The following ROBO2 variants were observed in gnomAD, a reference collection of about 807,000 sequenced individuals.
ROBO2 encodes the protein roundabout guidance receptor 2, also known as roundabout homolog 2.
ROBO2 carries 53 observed loss-of-function variants against 160.8 expected under a neutral mutation model. That is an observed-to-expected ratio of 0.33 (90% CI 0.26 to 0.41). ROBO2 has a LOEUF of 0.41. Ranked by LOEUF, ROBO2 falls within the 10% of genes least tolerant of loss-of-function variation. ROBO2 has a pLI of 1.00. For missense variants in ROBO2, 1,577 were observed against 1,722.4 expected, an observed-to-expected ratio of 0.92 and a Z score of 1.49; for synonymous variants, 664 against 611.7, an observed-to-expected ratio of 1.09 and a Z score of -1.26.
At chr3:76,924,719 C>T (rs915225612) in intron 2 of ROBO2, among the ~76,000 whole-genome samples, 1 of 152,166 alleles carries the variant, frequency 6.6e-6, no homozygotes, top group Non-Finnish European at 1.5e-5. Context: ...TAGTTCTGTT[C>T]ACGGATTTTG....
intron 2 of ROBO2, among the ~76,000 whole-genome samples, chr3:76,765,723 A>G (rs374667953): frequency 1.3e-5 from 2 of 151,818 alleles, no homozygotes; most frequent in African/African-American, 2.4e-5. Flanking sequence ...ACGGATGTCC[A>G]GTTCAGCTAA....
intron 2 of ROBO2, among the ~76,000 whole-genome samples, chr3:76,808,843 G>GA (rs1211735069): frequency 6.6e-6 from 1 of 151,960 alleles, no homozygotes; most frequent in African/African-American, 2.4e-5. Flanking sequence ...ATTGGGGAAT[G>GA]AAAAAATTCA....
At chr3:76,895,286 C>A (rs113214636) in intron 2 of ROBO2, among the ~76,000 whole-genome samples, 1 of 151,896 alleles carries the variant, frequency 6.6e-6, no homozygotes, top group Admixed American at 6.6e-5. Flanking sequence ...ACTGGTGGTA[C>A]GCAAAATACC....
At chr3:76,278,085 C>A (rs1005623887) in intron 2 of ROBO2, among the ~76,000 whole-genome samples, 1 of 151,804 alleles carries the variant, frequency 6.6e-6, no homozygotes, top group South Asian at 2.1e-4. Context: ...TATTGTCAGG[C>A]TCTTCATTCT....
At chr3:76,024,825 T>C (rs192439646) in intron 2 of ROBO2, among the ~76,000 whole-genome samples, 1 of 151,672 alleles carries the variant, frequency 6.6e-6, no homozygotes, top group African/African-American at 2.4e-5. Context: ...AACTGCTATG[T>C]CTTGATATGA....
chr3:76,055,225 G>T (rs1478643829), intron 2 of ROBO2, among the ~76,000 whole-genome samples: 2 of 152,134 alleles, frequency 1.3e-5, no homozygotes, highest in African/African-American at 2.4e-5. Flanking sequence ...CTCCCACGGG[G>T]TCCCTCCCAC....
At chr3:77,579,840 A>G (rs1466287543) in intron 15 of ROBO2, 107 bp from the exon 17 acceptor site, 2 of 1,048,234 alleles carry the variant, frequency 1.9e-6, no homozygotes, top group African/African-American at 3.1e-5. Flanking sequence ...CTATAAGCCT[A>G]GAAGATAGAC....
At position 77,188,983 on chromosome 3, in the gene ROBO2, G is replaced by GAGAAAGAGAGAGAGAA. The variant is rs141611728; in HGVS notation, c.388+90646_388+90647insAAGAGAGAGAGAAAGA. 8.6e-3 allele frequency among the ~76,000 whole-genome samples: 1,273 copies of GAGAAAGAGAGAGAGAA among 148,380 alleles called. 15 individuals are homozygous for GAGAAAGAGAGAGAGAA. The highest frequency in any genetic ancestry group is 0.029 in the African/African-American group (1,190 of 40,674). ...TGTGTGTGTGTGAGAGAGAGAGAGA[G>GAGAAAGAGAGAGAGAA]AGAGAGAGAGAAAGAGAGAGACTTG... On this transcript the variant is annotated intron_variant, in intron 2 of 25. Coordinates refer to ENST00000461745, the Ensembl canonical transcript of ROBO2.
At chr3:77,049,822 A>G (rs550376621) in intron 1 of ROBO2, among the ~76,000 whole-genome samples, 8 of 152,326 alleles carry the variant, frequency 5.3e-5, no homozygotes, top group African/African-American at 1.4e-4. Flanking sequence ...AAGTTTAAGC[A>G]AGGAACACCC....
chr3:76,970,241 T>C (rs2059507756), intron 2 of ROBO2, among the ~76,000 whole-genome samples: 1 of 152,176 alleles, frequency 6.6e-6, no homozygotes, highest in Non-Finnish European at 1.5e-5. Context: ...GATTAATCGC[T>C]TTCTCAAGGG....
intron 1 of ROBO2, among the ~76,000 whole-genome samples, chr3:77,055,910 G>T (rs2065696355): frequency 6.6e-6 from 1 of 152,200 alleles, no homozygotes; most frequent in South Asian, 2.1e-4. Flanking sequence ...TTTTTAAGTA[G>T]TTGTGAAATG....
intron 2 of ROBO2, among the ~76,000 whole-genome samples, chr3:76,666,551 T>C (rs1455600291): frequency 6.6e-6 from 1 of 152,106 alleles, no homozygotes; most frequent in African/African-American, 2.4e-5. Flanking sequence ...GAAAGTCAAA[T>C]GAAAACACCA....
intron 2 of ROBO2, among the ~76,000 whole-genome samples, chr3:76,514,369 CAAACATGAGAAT>C (rs1402685138): frequency 6.6e-6 from 1 of 152,142 alleles, no homozygotes; most frequent in African/African-American, 2.4e-5. Flanking sequence ...GATACCATCC[CAAACATGAGAAT>C]AAACTAGTAA....
At chr3:75,944,526 C>T (rs939522662) in intron 2 of ROBO2, among the ~76,000 whole-genome samples, 3 of 151,944 alleles carry the variant, frequency 2.0e-5, no homozygotes, top group African/African-American at 7.2e-5. Context: ...TAAAAAAAAA[C>T]CTGGCACCTT....
intron 2 of ROBO2, among the ~76,000 whole-genome samples, chr3:77,450,323 G>GA (rs1302433437): frequency 6.6e-6 from 1 of 152,094 alleles, no homozygotes; most frequent in African/African-American, 2.4e-5. Context: ...TAAGGGAAGT[G>GA]AAAAGAATGC....
chr3:76,017,786 A>G lies in ROBO2; in HGVS notation c.109+80184A>G, dbSNP rs1316516650. ...ACTATAAAACATTGTCTTAAGTTCT[A>G]CAAATTTTTTAAAAAGATGATTCAC... On this transcript the variant is annotated intron_variant, in intron 2 of 26. Coordinates refer to the ROBO2 transcript ENST00000487694. Among the ~76,000 whole-genome samples the G allele has an allele frequency of 3.3e-5, 5 of 152,266 alleles. No individual in the cohort carries two copies. In the East Asian group the frequency reaches 9.6e-4, roughly 29 times the overall value.
chr3:76,332,796 A>G (rs1161762403), intron 2 of ROBO2, among the ~76,000 whole-genome samples: 1 of 152,224 alleles, frequency 6.6e-6, no homozygotes, highest in East Asian at 1.9e-4. Context: ...TGATTCATCC[A>G]TAATTAACAC....
intron 2 of ROBO2, among the ~76,000 whole-genome samples, chr3:75,972,642 A>G (rs1273194418): frequency 6.6e-6 from 1 of 151,680 alleles, no homozygotes; most frequent in African/African-American, 2.4e-5. Flanking sequence ...AATCATGTAG[A>G]TCATTGATTC....
chr3:76,798,245 GAAGAAAGAAAGAAGGA>G lies in ROBO2; in HGVS notation c.110-299755_110-299740del, dbSNP rs1478744380. 1.4e-4 allele frequency among the ~76,000 whole-genome samples: 7 copies of G among 50,314 alleles called. No homozygotes were observed. The South Asian group carries it at 1.9e-3, about 14-fold the overall frequency. 33.0% of individuals were successfully genotyped at this position (50,314 alleles called of 152,430 possible). On this transcript the variant is annotated intron_variant, in intron 2 of 26. Transcript: ENST00000487694. ...AAAGAAAGAGAAAGAAAGAAAAAAA[GAAGAAAGAAAGAAGGA>G]AAGAAAGAAAGAAAGAAAGAAAGAA... is the stretch of plus-strand genomic sequence containing the variant.
Sources: allele counts gnomAD v4.1 joint callset (sites outside exome capture counted in the v4.1 genomes callset), GRCh38; gene constraint gnomAD v4.1.1; transcripts MANE v1.5; gene names NCBI Gene and HGNC (gene_info 2026-07-23, HGNC 2026-07-21).